UBE3B: variants seen among roughly 807,000 people sequenced by gnomAD.
UBE3B encodes the protein ubiquitin-protein ligase E3B.
In UBE3B, 80 loss-of-function variants were observed where a neutral mutation model predicts 132.3. The ratio of observed to expected loss-of-function variants is 0.60; its 90% CI spans 0.50 to 0.73. The LOEUF (loss-of-function observed/expected upper bound fraction) is 0.73. Ranked by LOEUF, UBE3B falls within the 30% of genes least tolerant of loss-of-function variation. UBE3B has a pLI of 0.00. For missense variants in UBE3B, 1,196 were observed against 1,362.5 expected (o/e 0.88, Z 1.92); for synonymous variants, 487 against 520.4 (o/e 0.94, Z 0.87).
At chr12:109,485,436 C>G (rs1876268988) in intron 4 of UBE3B, among the ~76,000 whole-genome samples, 1 of 152,246 alleles carries the variant, frequency 6.6e-6, no homozygotes, top group African/African-American at 2.4e-5. Flanking sequence ...GGAGGTGAAC[C>G]TCATCTTACA....
chr12:109,493,814 C>T (rs1877809603), intron 9 of UBE3B, among the ~76,000 whole-genome samples: 1 of 152,284 alleles, frequency 6.6e-6, no homozygotes, highest in South Asian at 2.1e-4. Context: ...TCACCACATT[C>T]TCTTATCTCC....
intron 27 of UBE3B, 139 bp downstream of exon 27, chr12:109,533,697 G>T (rs1196674430): frequency 2.2e-6 from 2 of 926,830 alleles, no homozygotes; most frequent in African/African-American, 3.2e-5. Flanking sequence ...AGTGAGGAGG[G>T]CCCCACAGTT....
At chr12:109,533,322 C>A in intron 26 of UBE3B, 144 bp from the exon 27 acceptor site, 2 of 765,880 alleles carry the variant, frequency 2.6e-6, no homozygotes, top group Non-Finnish European at 2.2e-6. Flanking sequence ...GGGGCCAGAT[C>A]CACCCCGCCA....
At chr12:109,478,480 A>G (rs544655263) in intron 1 of UBE3B, among the ~76,000 whole-genome samples, 206 of 152,332 alleles carry the variant, frequency 1.4e-3, no homozygotes, top group African/African-American at 4.8e-3. Flanking sequence ...TATTCTTTAA[A>G]TAAAAATTAG....
intron 19 of UBE3B, 87 bp downstream of exon 19, chr12:109,516,971 A>G: frequency 6.5e-7 from 1 of 1,533,162 alleles, no homozygotes; most frequent in Non-Finnish European, 8.8e-7. Context: ...TGGCTTTTGA[A>G]CTGTTCCTGT....
At chr12:109,532,702 G>C (rs1883060509) in intron 26 of UBE3B, among the ~76,000 whole-genome samples, 1 of 152,234 alleles carries the variant, frequency 6.6e-6, no homozygotes, top group Admixed American at 6.5e-5. Flanking sequence ...GCCGCTTGGA[G>C]AACGCCGGGA....
chr12:109,515,219 C>T (rs1444646392), intron 18 of UBE3B, among the ~76,000 whole-genome samples: 1 of 151,850 alleles, frequency 6.6e-6, no homozygotes, highest in African/African-American at 2.4e-5. Context: ...GGCCCATCCC[C>T]TTTCTTCTTA....
chr12:109,511,080 C>G (rs1880309430), intron 17 of UBE3B, 124 bp from the exon 18 acceptor site: 1 of 793,892 alleles, frequency 1.3e-6, no homozygotes, highest in Non-Finnish European at 2.1e-6. Flanking sequence ...GGTCATGTTC[C>G]CATCAGACTC....
At chr12:109,516,955 G>C (rs768309806) in intron 19 of UBE3B, 71 bp downstream of exon 19, 8 of 1,566,592 alleles carry the variant, frequency 5.1e-6, no homozygotes, top group African/African-American at 1.4e-5. Flanking sequence ...TTTAGTGGAC[G>C]GTCTCTGGCT....
chr12:109,495,787 C>T (rs1878121105), intron 9 of UBE3B, among the ~76,000 whole-genome samples: 1 of 152,244 alleles, frequency 6.6e-6, no homozygotes, highest in African/African-American at 2.4e-5. Context: ...ACAGATTGCT[C>T]ATGCTATTGT....
intron 24 of UBE3B, among the ~76,000 whole-genome samples, chr12:109,526,710 A>G (rs1314854939): frequency 6.6e-6 from 1 of 152,000 alleles, no homozygotes; most frequent in Non-Finnish European, 1.5e-5. Context: ...GTCTCTACTG[A>G]AAATACAAAA....
chr12:109,531,657 C>T (rs1882951841), intron 26 of UBE3B, among the ~76,000 whole-genome samples: 1 of 152,102 alleles, frequency 6.6e-6, no homozygotes, highest in Non-Finnish European at 1.5e-5. Flanking sequence ...GAGGCCCTCA[C>T]GCAGTCCAGC....
intron 23 of UBE3B, among the ~76,000 whole-genome samples, chr12:109,525,854 G>A (rs1033929888): frequency 1.3e-5 from 2 of 152,130 alleles, no homozygotes; most frequent in Admixed American, 6.5e-5. Flanking sequence ...CAAGCTGCCC[G>A]TAATGCCAGT....
At chr12:109,507,010 GA>G (rs1879773345) in intron 14 of UBE3B, among the ~76,000 whole-genome samples, 1 of 152,204 alleles carries the variant, frequency 6.6e-6, no homozygotes, top group Non-Finnish European at 1.5e-5. Context: ...ATGTGGACTG[GA>G]GCTGTCTGAA....
the UBE3B span, among the ~76,000 whole-genome samples, chr12:109,547,775 C>T: frequency 1.9e-4 from 29 of 152,240 alleles, 2 homozygotes; most frequent in African/African-American, 5.1e-4. The surrounding 1 kb of genome is among the most constrained non-coding windows in gnomAD (Gnocchi z 4.1). Flanking sequence ...AGGTTCCCCA[C>T]GGTGCGCGTG....
At chr12:109,501,633 T>C in intron 13 of UBE3B, 99 bp downstream of exon 13, 1 of 1,408,504 alleles carries the variant, frequency 7.1e-7, no homozygotes, top group Non-Finnish European at 9.5e-7. Flanking sequence ...TGTGGGATGC[T>C]CTAACTTTGT....
chr12:109,496,511 G>T lies in UBE3B; in HGVS notation c.714-1307G>T, dbSNP rs1878224865. ...ATTTTACCTTCCCAGGAGTAGTGTT[G>T]TGTGAGGTCTCCAGTTTCTCCACAT... is the stretch of plus-strand genomic sequence containing the variant. On this transcript the variant is annotated intron_variant, in intron 9 of 27. Coordinates refer to ENST00000342494, the MANE Select transcript of UBE3B (RefSeq NM_130466.4). Among the ~76,000 whole-genome samples, 2 of 152,310 alleles carry T rather than the reference G, an allele frequency of 1.3e-5. 1 individual carries two copies. The highest frequency in any genetic ancestry group is 4.1e-4 in the South Asian group (2 of 4,822).
intron 1 of UBE3B, among the ~76,000 whole-genome samples, chr12:109,478,998 A>G (rs933152601): frequency 1.3e-5 from 2 of 152,210 alleles, no homozygotes; most frequent in Non-Finnish European, 2.9e-5. Flanking sequence ...AGGTAAGACA[A>G]GAGTCTGAAT....
At chr12:109,537,853 C>T (rs1883511108), downstream of UBE3B, among the ~76,000 whole-genome samples, 1 of 152,070 alleles carries the variant, frequency 6.6e-6, no homozygotes, top group African/African-American at 2.4e-5. Flanking sequence ...TACAGGTGCC[C>T]GCCACCTTGC....
Sources: allele counts gnomAD v4.1 joint callset (sites outside exome capture counted in the v4.1 genomes callset), GRCh38; gene constraint gnomAD v4.1.1; non-coding constraint Gnocchi (gnomAD v3.1); transcripts MANE v1.5; gene names NCBI Gene and HGNC (gene_info 2026-07-23, HGNC 2026-07-21).